ADAMTS18: variants seen among roughly 807,000 people sequenced by gnomAD.
ADAMTS18 encodes A disintegrin and metalloproteinase with thrombospondin motifs 18.
ADAMTS18 carries 157 observed loss-of-function variants against 165.9 expected under a neutral mutation model. That is an observed-to-expected ratio of 0.95 (90% confidence interval 0.83 to 1.08). ADAMTS18 has a LOEUF of 1.08. ADAMTS18 is among the 50% of genes least tolerant of loss of function. ADAMTS18 has a pLI of 0.00. For missense variants in ADAMTS18, 2,040 were observed against 1,534.0 expected, an observed-to-expected ratio of 1.33 and a Z score of -5.51; for synonymous variants, 782 against 578.2, an observed-to-expected ratio of 1.35 and a Z score of -5.06.
rs76875909 is a variant in ADAMTS18 at position 77,320,994 on chromosome 16, G to C, written c.2287+85C>G. The C allele has an allele frequency of 2.3e-4, 349 of 1,548,796 alleles. 6 individuals carry two copies. In the East Asian group the frequency reaches 6.1e-3, roughly 27 times the overall value. ...AGTGTGTCCAGTGAACTAGTAAAAG[G>C]CTCAACCACATTTGGCGTGACTCAA... On this transcript the variant is annotated intron_variant, in intron 15 of 22. Transcript: ENST00000282849.
chr16:77,380,454 T>C (rs868799103), intron 3 of ADAMTS18, among the ~76,000 whole-genome samples: 29 of 152,328 alleles, frequency 1.9e-4, no homozygotes, highest in Middle Eastern at 6.8e-3. Flanking sequence ...AACTCTGTAT[T>C]GGTTTGGAAA....
intron 3 of ADAMTS18, among the ~76,000 whole-genome samples, chr16:77,418,073 A>C (rs2057553295): frequency 6.6e-6 from 1 of 152,178 alleles, no homozygotes; most frequent in Non-Finnish European, 1.5e-5. Flanking sequence ...GTTTCTTTAG[A>C]GATCCAGTCA....
intron 16 of ADAMTS18, among the ~76,000 whole-genome samples, chr16:77,306,025 C>T (rs996949093): frequency 3.9e-5 from 6 of 152,162 alleles, no homozygotes; most frequent in Admixed American, 6.5e-5. Context: ...CCCGTAATGG[C>T]ACCACATCAC....
intron 3 of ADAMTS18, among the ~76,000 whole-genome samples, chr16:77,425,862 A>G (rs141989113): frequency 0.016 from 2,393 of 152,136 alleles, 63 homozygotes; most frequent in African/African-American, 0.055. Context: ...GGCCAAAATG[A>G]TGAAACCCCA....
At chr16:77,402,310 T>A (rs971431562) in intron 3 of ADAMTS18, among the ~76,000 whole-genome samples, 15 of 152,218 alleles carry the variant, frequency 9.9e-5, no homozygotes, top group African/African-American at 3.1e-4. Context: ...AATATTCCAC[T>A]GGCAGATGTC....
At chr16:77,417,065 G>A (rs1285434839) in intron 3 of ADAMTS18, among the ~76,000 whole-genome samples, 2 of 152,032 alleles carry the variant, frequency 1.3e-5, no homozygotes, top group East Asian at 3.9e-4. Context: ...GTGTTCCCAG[G>A]GTCCTTTGCA....
chr16:77,422,108 A>T (rs2057610283), intron 3 of ADAMTS18, among the ~76,000 whole-genome samples: 1 of 152,066 alleles, frequency 6.6e-6, no homozygotes, highest in African/African-American at 2.4e-5. Context: ...TCAGTTTGCT[A>T]TGCATCGTTC....
chr16:77,367,676 T>C lies in ADAMTS18; in HGVS notation c.543A>G (p.Leu181=). 6.2e-7 allele frequency: 1 copy of C among 1,614,154 alleles called. No homozygotes were observed. Among genetic ancestry groups the C allele is most frequent in the Non-Finnish European group, 8.5e-7 (1 of 1,180,026 alleles). The part of the protein sequence containing the change: ...TRKNEFLISP[L]PQLLAQEHNY... ...TGTGTTCCTGGGCCAGAAGCTGAGGTAATGGCGAGATGAGGAATTCATTTT... is the reference window on the plus strand; with the variant it reads ...TGTGTTCCTGGGCCAGAAGCTGAGGCAATGGCGAGATGAGGAATTCATTTT... Residue 181 remains leucine (L), a synonymous_variant, in exon 4 of 23, where the codon TTA becomes TTG. Coordinates refer to ENST00000282849, the MANE Select transcript of ADAMTS18 (RefSeq NM_199355.4).
intron 12 of ADAMTS18, among the ~76,000 whole-genome samples, chr16:77,333,824 A>G (rs1053602513): frequency 6.8e-6 from 1 of 146,888 alleles, no homozygotes; most frequent in Non-Finnish European, 1.5e-5. Context: ...CTATATATTA[A>G]TAGTATATAT....
intron 3 of ADAMTS18, among the ~76,000 whole-genome samples, chr16:77,375,277 C>G (rs920123639): frequency 6.6e-6 from 1 of 152,162 alleles, no homozygotes; most frequent in African/African-American, 2.4e-5. Flanking sequence ...CCACCTCAGC[C>G]TCCCAAAGTG....
In ADAMTS18 at chr16:77,431,308, G is replaced by A. The variant is rs1256309020; in HGVS notation, c.482C>T (p.Thr161Met). The A allele has an allele frequency of 1.5e-5, 25 of 1,613,994 alleles. No individual in the cohort carries two copies. Among genetic ancestry groups the A allele is most frequent in the East Asian group, 2.2e-5 (1 of 44,886 alleles). Reference sequence around the variant, plus strand: ...GGGTGTACTTACCAAGCCAGCACACGTAGACACAGCGACAGAGGAGGAGCT... The same window carrying A: ...GGGTGTACTTACCAAGCCAGCACACATAGACACAGCGACAGAGGAGGAGCT... ...NDSSSSVAVS[T>M]CAGLSGLIRT... Residue 161 changes from threonine to methionine, a missense_variant, in exon 3 of 23, where the codon ACG becomes ATG. By Grantham distance (81) the Thr-to-Met change is moderately conservative. Transcript: ENST00000282849.
chr16:77,326,626 AC>A (rs542614794), intron 12 of ADAMTS18, among the ~76,000 whole-genome samples: 2 of 152,082 alleles, frequency 1.3e-5, no homozygotes, highest in Non-Finnish European at 2.9e-5. Flanking sequence ...CAAGTGATCC[AC>A]CCCCATCAGG....
chr16:77,362,081 G>A (rs781519934), intron 7 of ADAMTS18, 24 bp downstream of exon 7: 2 of 1,613,528 alleles, frequency 1.2e-6, no homozygotes, highest in Non-Finnish European at 8.5e-7. Flanking sequence ...ACAGGTGTGT[G>A]TGAAGGATCT....
At chr16:77,421,906 T>G (rs1016148271) in intron 3 of ADAMTS18, among the ~76,000 whole-genome samples, 1 of 152,164 alleles carries the variant, frequency 6.6e-6, no homozygotes, top group African/African-American at 2.4e-5. Flanking sequence ...AAGAATAAGA[T>G]AGATCTATAC....
At chr16:77,385,100 G>C (rs190385855) in intron 3 of ADAMTS18, among the ~76,000 whole-genome samples, 2 of 151,868 alleles carry the variant, frequency 1.3e-5, no homozygotes, top group Non-Finnish European at 1.5e-5. Context: ...GTAGAGACAG[G>C]GTTTCACCAT....
intron 13 of ADAMTS18, among the ~76,000 whole-genome samples, chr16:77,323,177 C>T (rs1299363877): frequency 1.3e-5 from 2 of 152,032 alleles, no homozygotes; most frequent in Non-Finnish European, 2.9e-5. Context: ...AGTTCCTATG[C>T]CAATTTCTCA....
intron 3 of ADAMTS18, among the ~76,000 whole-genome samples, chr16:77,378,604 A>T (rs187078363): frequency 2.6e-5 from 4 of 152,166 alleles, no homozygotes; most frequent in Admixed American, 2.6e-4. Flanking sequence ...AATCCCAGCT[A>T]CTTGGGAGGT....
intron 22 of ADAMTS18, among the ~76,000 whole-genome samples, chr16:77,285,236 A>G (rs1305707806): frequency 1.3e-5 from 2 of 152,082 alleles, no homozygotes; most frequent in East Asian, 1.9e-4. Context: ...GCAATGGTAT[A>G]ATCTCGGCTC....
intron 3 of ADAMTS18, among the ~76,000 whole-genome samples, chr16:77,375,890 C>CTTTTTTTTTTTTTTTTTTTTTTT (rs200629744): frequency 2.1e-5 from 2 of 93,904 alleles, no homozygotes; most frequent in Non-Finnish European, 4.1e-5. Flanking sequence ...TCTTTCTTTC[C>CTTTTTTTTTTTTTTTTTTTTTTT]TTTTTTTTTT....
Sources: gnomAD v4.1 joint callset for allele counts (sites outside exome capture counted in the v4.1 genomes callset) on GRCh38, gnomAD v4.1.1 for gene constraint, MANE v1.5 for transcripts, NCBI Gene and HGNC (gene_info 2026-07-23, HGNC 2026-07-21) for gene names.